The following SLC30A8 variants were observed in gnomAD, a reference collection of about 807,000 sequenced individuals.
The protein encoded by SLC30A8 is proton-coupled zinc antiporter SLC30A8.
A neutral mutation model predicts 36.9 loss-of-function variants in SLC30A8; 27 were observed. That is an observed-to-expected ratio of 0.73 (90% CI 0.54 to 1.01). SLC30A8 has a LOEUF of 1.01. SLC30A8 is among the 50% of genes least tolerant of loss of function. SLC30A8 has a pLI of 0.00. For missense variants in SLC30A8, 439 were observed against 452.0 expected (o/e 0.97, Z 0.26); for synonymous variants, 164 against 172.4 (o/e 0.95, Z 0.38).
chr8:117,070,165 CA>C (rs890898918), intron 2 of SLC30A8, among the ~76,000 whole-genome samples: 7 of 152,108 alleles, frequency 4.6e-5, no homozygotes, highest in African/African-American at 1.7e-4. Flanking sequence ...TGCTGAGAAA[CA>C]AAACAGCACC....
intron 2 of SLC30A8, among the ~76,000 whole-genome samples, chr8:117,119,743 T>C (rs1009146481): frequency 6.6e-6 from 1 of 151,968 alleles, no homozygotes; most frequent in African/African-American, 2.4e-5. Flanking sequence ...TATATTAAGA[T>C]AAAATGTAAT....
In SLC30A8 at chr8:117,019,723, A is replaced by G. The variant is rs913349675; in HGVS notation, c.-265-19496A>G. On this transcript the variant is annotated intron_variant, in intron 1 of 10. Coordinates refer to the SLC30A8 transcript ENST00000427715. ...AATGTTTGAAAACATGCTAAAGTCT[A>G]TGAAATGGGCTCTTGGGATGGTGTG... 4.6e-5 allele frequency among the ~76,000 whole-genome samples: 7 copies of G among 152,344 alleles called. No homozygotes were observed. The South Asian group carries it at 1.4e-3, about 32-fold the overall frequency.
chr8:117,110,304 C>T (rs539967636), intron 2 of SLC30A8, among the ~76,000 whole-genome samples: 8 of 151,822 alleles, frequency 5.3e-5, no homozygotes, highest in African/African-American at 7.2e-5. Context: ...AGTCTAACAT[C>T]GTGCTTTCTG....
intron 1 of SLC30A8, among the ~76,000 whole-genome samples, chr8:116,996,986 T>A (rs1815842526): frequency 6.6e-6 from 1 of 152,138 alleles, no homozygotes; most frequent in Admixed American, 6.5e-5. Flanking sequence ...TCTTTTTTTT[T>A]TTTTTGAGAC....
intron 2 of SLC30A8, among the ~76,000 whole-genome samples, chr8:117,124,359 A>T (rs1030802615): frequency 6.6e-6 from 1 of 151,836 alleles, no homozygotes; most frequent in Admixed American, 6.6e-5. Context: ...AGCTACAAAG[A>T]TTTGCTTCCC....
chr8:116,990,194 T>C (rs182469710), intron 1 of SLC30A8, among the ~76,000 whole-genome samples: 92 of 152,336 alleles, frequency 6.0e-4, no homozygotes, highest in Non-Finnish European at 9.8e-4. Flanking sequence ...TGGATTTTTT[T>C]CCCATTTTCC....
intron 1 of SLC30A8, among the ~76,000 whole-genome samples, chr8:116,953,579 T>C (rs1814076959): frequency 6.6e-6 from 1 of 152,178 alleles, no homozygotes; most frequent in Non-Finnish European, 1.5e-5. Context: ...ACTTCTACTA[T>C]CATCTCATCT....
At chr8:117,165,686 G>T (rs540392844) in intron 6 of SLC30A8, among the ~76,000 whole-genome samples, 2 of 152,316 alleles carry the variant, frequency 1.3e-5, no homozygotes, top group South Asian at 2.1e-4. Flanking sequence ...AACCAGAGGA[G>T]ATTTGACTGG....
chr8:117,032,877 C>A (rs542173418), intron 1 of SLC30A8, among the ~76,000 whole-genome samples: 1 of 150,272 alleles, frequency 6.7e-6, no homozygotes, highest in Non-Finnish European at 1.5e-5. Context: ...GTGACAACAG[C>A]GAGACTCTGT....
intron 1 of SLC30A8, among the ~76,000 whole-genome samples, chr8:116,975,620 A>C (rs552432799): frequency 1.3e-5 from 2 of 152,340 alleles, no homozygotes; most frequent in African/African-American, 4.8e-5. Flanking sequence ...AAGGTAGACT[A>C]TCATGTGTGT....
At chr8:117,157,951 TG>T in intron 4 of SLC30A8, 107 bp downstream of exon 4, 1 of 1,247,882 alleles carries the variant, frequency 8.0e-7, no homozygotes, top group Non-Finnish European at 1.1e-6. Context: ...TGGTAGAGAC[TG>T]GACAGAGTGT....
At chr8:117,066,311 T>C (rs909961987) in intron 2 of SLC30A8, among the ~76,000 whole-genome samples, 1 of 152,188 alleles carries the variant, frequency 6.6e-6, no homozygotes, top group Non-Finnish European at 1.5e-5. Flanking sequence ...CTCTACCTAT[T>C]GCTTGTACAT....
At chr8:116,994,947 A>G (rs1338102139) in intron 1 of SLC30A8, among the ~76,000 whole-genome samples, 2 of 151,974 alleles carry the variant, frequency 1.3e-5, no homozygotes, top group African/African-American at 2.4e-5. Context: ...CAGGATAATA[A>G]TGTTAAGCAC....
At chr8:117,041,036 TC>T (rs749693029) in intron 2 of SLC30A8, among the ~76,000 whole-genome samples, 63 of 152,304 alleles carry the variant, frequency 4.1e-4, no homozygotes, top group South Asian at 2.1e-3. Context: ...TTGAGAGGTT[TC>T]CAGCCACACA....
chr8:117,012,611 G>T (rs1241758722), intron 1 of SLC30A8, among the ~76,000 whole-genome samples: 1 of 151,558 alleles, frequency 6.6e-6, no homozygotes, highest in Non-Finnish European at 1.5e-5. Flanking sequence ...TATCAGGAGT[G>T]TCCTCTGGAG....
chr8:116,981,206 A>G (rs1343860737), intron 1 of SLC30A8, among the ~76,000 whole-genome samples: 1 of 152,092 alleles, frequency 6.6e-6, no homozygotes, highest in East Asian at 1.9e-4. Context: ...TGGGACTCTC[A>G]CTCTAGTATG....
intron 1 of SLC30A8, among the ~76,000 whole-genome samples, chr8:117,035,314 C>G (rs941718033): frequency 3.9e-5 from 6 of 152,222 alleles, no homozygotes; most frequent in Non-Finnish European, 8.8e-5. Flanking sequence ...TATAAATGCT[C>G]CCATTCCAAA....
chr8:117,079,758 G>T (rs1023991528), intron 2 of SLC30A8, among the ~76,000 whole-genome samples: 1 of 152,200 alleles, frequency 6.6e-6, no homozygotes, highest in Non-Finnish European at 1.5e-5. Flanking sequence ...GTAAGGAACA[G>T]ATCTAAAACA....
At chr8:117,006,278 C>G (rs567766544) in intron 1 of SLC30A8, among the ~76,000 whole-genome samples, 8 of 152,230 alleles carry the variant, frequency 5.3e-5, no homozygotes, top group Non-Finnish European at 8.8e-5. Context: ...GAGGCAGTTA[C>G]AGAGTTGATT....
Sources: gnomAD v4.1 joint callset for allele counts (sites outside exome capture counted in the v4.1 genomes callset) on GRCh38, gnomAD v4.1.1 for gene constraint, MANE v1.5 for transcripts, NCBI Gene and HGNC (gene_info 2026-07-23, HGNC 2026-07-21) for gene names.